PLXDC2: variants seen among roughly 807,000 people sequenced by gnomAD.
PLXDC2 encodes the protein plexin domain containing 2.
PLXDC2 carries 40 observed loss-of-function variants against 68.9 expected under a neutral mutation model. The observed-to-expected ratio is 0.58, with a 90% CI of 0.45 to 0.76. The LOEUF (loss-of-function observed/expected upper bound fraction) is 0.76. Among genes scored for constraint, PLXDC2 ranks in the 30% least tolerant of loss-of-function variants. The probability of loss-of-function intolerance (pLI) is 0.00; values close to 1 mark genes in which losing one functional copy is unlikely to be tolerated. For synonymous variants in PLXDC2, 243 were observed against 234.2 expected, an observed-to-expected ratio of 1.04 and a Z score of -0.34; for missense variants, 644 against 661.9, an observed-to-expected ratio of 0.97 and a Z score of 0.30.
intron 1 of PLXDC2, among the ~76,000 whole-genome samples, chr10:19,860,742 A>T (rs1220766366): frequency 1.3e-5 from 2 of 152,182 alleles, no homozygotes; most frequent in African/African-American, 2.4e-5. Context: ...GGATCTTTCC[A>T]TCTGTACAAC....
chr10:19,855,226 T>TTTGTTG (rs57620092), intron 1 of PLXDC2, among the ~76,000 whole-genome samples: 13,835 of 151,488 alleles, frequency 0.091, 1,261 homozygotes, highest in African/African-American at 0.24. Context: ...CAAATACGAT[T>TTTGTTG]TTGTTGTTGT....
chr10:19,923,240 A>G (rs547591497), intron 1 of PLXDC2, among the ~76,000 whole-genome samples: 120 of 152,312 alleles, frequency 7.9e-4, no homozygotes, highest in Middle Eastern at 3.4e-3. Context: ...AATCCACCCC[A>G]AAATATCATT....
intron 10 of PLXDC2, among the ~76,000 whole-genome samples, chr10:20,212,373 A>G (rs992758897): frequency 2.0e-5 from 3 of 152,136 alleles, no homozygotes; most frequent in African/African-American, 7.2e-5. Context: ...GAAACATGAT[A>G]GAGACAAGGA....
chr10:20,242,920 C>T (rs891168846), intron 12 of PLXDC2, among the ~76,000 whole-genome samples: 3 of 151,922 alleles, frequency 2.0e-5, no homozygotes, highest in African/African-American at 4.8e-5. Flanking sequence ...CCATGTTGGC[C>T]GGGCTGGTCT....
chr10:19,926,020 G>A (rs1009300527), intron 1 of PLXDC2, among the ~76,000 whole-genome samples: 2 of 152,132 alleles, frequency 1.3e-5, no homozygotes, highest in Non-Finnish European at 2.9e-5. Flanking sequence ...AGCAACCTCG[G>A]GGAGCTGAAG....
At chr10:20,075,527 C>T (rs1465100819) in intron 4 of PLXDC2, among the ~76,000 whole-genome samples, 1 of 152,136 alleles carries the variant, frequency 6.6e-6, no homozygotes, top group African/African-American at 2.4e-5. Flanking sequence ...TATTCACAAC[C>T]ACTTGTTTCT....
intron 1 of PLXDC2, among the ~76,000 whole-genome samples, chr10:19,952,123 C>T (rs918195038): frequency 9.9e-5 from 15 of 152,108 alleles, no homozygotes; most frequent in Admixed American, 3.3e-4. Context: ...CAATCCTGCA[C>T]ATGTACTCCC....
chr10:20,049,773 A>G (rs1835861554), intron 3 of PLXDC2, among the ~76,000 whole-genome samples: 1 of 152,198 alleles, frequency 6.6e-6, no homozygotes, highest in Non-Finnish European at 1.5e-5. Context: ...TATCATTAAA[A>G]TGGTCATACT....
intron 3 of PLXDC2, among the ~76,000 whole-genome samples, chr10:20,066,773 C>T (rs1836218831): frequency 6.6e-6 from 1 of 152,052 alleles, no homozygotes. Context: ...TATAAAAAAG[C>T]AATTATTTGC....
intron 2 of PLXDC2, among the ~76,000 whole-genome samples, chr10:20,044,782 T>C (rs1225673665): frequency 6.6e-6 from 1 of 152,160 alleles, no homozygotes. Flanking sequence ...TTGCTCCTTC[T>C]TAGGTTATCT....
chr10:20,275,702 C>A (rs1000885673), intron 13 of PLXDC2, among the ~76,000 whole-genome samples: 7 of 152,082 alleles, frequency 4.6e-5, no homozygotes, highest in Non-Finnish European at 7.3e-5. Flanking sequence ...CATTTGAGGT[C>A]AGGAGTTCAA....
chr10:20,215,253 C>T (rs559038265), intron 10 of PLXDC2, among the ~76,000 whole-genome samples: 1 of 112,524 alleles, frequency 8.9e-6, no homozygotes, highest in South Asian at 3.1e-4. Context: ...GTCAGTAGGA[C>T]ACCATGGAAG....
At chr10:20,160,017 G>A (rs563548612) in intron 6 of PLXDC2, among the ~76,000 whole-genome samples, 1 of 152,176 alleles carries the variant, frequency 6.6e-6, no homozygotes, top group South Asian at 2.1e-4. Context: ...TTGTTTTAAT[G>A]CCTGTCCCTG....
Position 20,288,916 on chromosome 10 carries a change from A to T in PLXDC2, c.*9097A>T, listed in dbSNP as rs899762960. The T allele has an allele frequency of 5.9e-5, 9 of 152,162 alleles. No individual in the cohort carries two copies. The highest frequency in any genetic ancestry group is 2.2e-4 in the African/African-American group (9 of 41,392). The allele number at this position is 152,162 out of a possible 1,614,324, so 9.4% of individuals were successfully genotyped here. A position where few individuals can be genotyped will look rare whatever the true frequency, so the allele number is the denominator to read the frequency against. Reference sequence around the variant, plus strand: ...GCTGTTGATTGCTATTTTCAGAAGCAAACCATGTTTTTCACTTACAGTAGG... The same window carrying T: ...GCTGTTGATTGCTATTTTCAGAAGCTAACCATGTTTTTCACTTACAGTAGG... On this transcript the variant is annotated 3_prime_UTR_variant, in exon 14 of 14. Coordinates refer to ENST00000377252, the MANE Select transcript of PLXDC2 (RefSeq NM_032812.9).
At chr10:20,142,237 A>G (rs1398370699) in intron 4 of PLXDC2, among the ~76,000 whole-genome samples, 1 of 152,100 alleles carries the variant, frequency 6.6e-6, no homozygotes, top group Non-Finnish European at 1.5e-5. Context: ...TTCCTGTGAA[A>G]GTAGAAAAAT....
rs143654766 is a variant in PLXDC2, at chr10:20,202,287, A to T, written c.1062-9382A>T. Reference sequence around the variant, plus strand: ...AAACACAGTGTTAAATATACTTGCTACTATGGTTTATTCTAAAGAGGTTCA... The same window carrying T: ...AAACACAGTGTTAAATATACTTGCTTCTATGGTTTATTCTAAAGAGGTTCA... On this transcript the variant is annotated intron_variant, in intron 9 of 13. Coordinates refer to ENST00000377252, the MANE Select transcript of PLXDC2 (RefSeq NM_032812.9). 3.5e-4 allele frequency among the ~76,000 whole-genome samples: 54 copies of T among 152,282 alleles called. No individual in the cohort carries two copies. The Middle Eastern group carries it at 0.017, about 48-fold the overall frequency.
chr10:20,205,914 T>C (rs1834984709), intron 9 of PLXDC2, among the ~76,000 whole-genome samples: 1 of 152,048 alleles, frequency 6.6e-6, no homozygotes, highest in South Asian at 2.1e-4. Flanking sequence ...ATATTGTATC[T>C]TTTGTATTTT....
chr10:20,256,620 G>A lies in PLXDC2; in HGVS notation c.1473+11115G>A, dbSNP rs933084881. 2.0e-5 allele frequency among the ~76,000 whole-genome samples: 3 copies of A among 151,720 alleles called. No individual in the cohort carries two copies. In the East Asian group the frequency reaches 5.8e-4, roughly 29 times the overall value. ...GTAATAAGATTTAATCCTCCCAAAA[G>A]TGTATCAGATTTTATCTTGTTTAAT... On this transcript the variant is annotated intron_variant, in intron 13 of 13. Coordinates refer to ENST00000377252, the MANE Select transcript of PLXDC2 (RefSeq NM_032812.9).
At chr10:19,822,936 G>A (rs1836497794) in intron 1 of PLXDC2, among the ~76,000 whole-genome samples, 1 of 149,938 alleles carries the variant, frequency 6.7e-6, no homozygotes, top group African/African-American at 2.5e-5. Context: ...TTTTTTTTGA[G>A]ACAGAGTCTC....
Sources: gnomAD v4.1 joint callset for allele counts (sites outside exome capture counted in the v4.1 genomes callset) on GRCh38, gnomAD v4.1.1 for gene constraint, MANE v1.5 for transcripts, NCBI Gene and HGNC (gene_info 2026-07-23, HGNC 2026-07-21) for gene names.